CHST8: variants seen among roughly 807,000 people sequenced by gnomAD.
CHST8 encodes carbohydrate sulfotransferase 8.
In CHST8, 10 loss-of-function variants were observed where a neutral mutation model predicts 15.0. The observed-to-expected ratio is 0.67, with a 90% CI of 0.41 to 1.13. The LOEUF is 1.13. Among genes scored for constraint, CHST8 ranks in the 50% most tolerant of loss-of-function variants. The pLI is 0.00. For missense variants in CHST8, 634 were observed against 608.2 expected (o/e 1.04, Z -0.45); for synonymous variants, 259 against 256.6 (o/e 1.01, Z -0.09).
At chr19:33,763,829 C>T (rs1181061792) in intron 3 of CHST8, among the ~76,000 whole-genome samples, 1 of 152,250 alleles carries the variant, frequency 6.6e-6, no homozygotes, top group African/African-American at 2.4e-5. Context: ...TCCCTCAGCC[C>T]TGGGGCAGTG....
Position 33,652,512 on chromosome 19 carries a change from A to T in CHST8, c.-163-15255A>T, listed in dbSNP as rs1458771345. 2.0e-5 allele frequency among the ~76,000 whole-genome samples: 3 copies of T among 150,796 alleles called. No individual in the cohort carries two copies. The Admixed American group carries it at 2.0e-4, about 10-fold the overall frequency. ...TGCTTCAGCTTCCTGAGTAGCTGGG[A>T]CTACAGGCGCCCAGCAACACGCCCG... On this transcript the variant is annotated intron_variant, in intron 1 of 4. Coordinates refer to ENST00000650847, the MANE Select transcript of CHST8 (RefSeq NM_001127895.2).
At chr19:33,712,573 C>T (rs574919377) in intron 3 of CHST8, among the ~76,000 whole-genome samples, 8 of 152,144 alleles carry the variant, frequency 5.3e-5, no homozygotes, top group Admixed American at 2.0e-4. Context: ...CTTATCCAAG[C>T]GAACAGTGGG....
chr19:33,731,682 A>C (rs1208299324), intron 3 of CHST8, among the ~76,000 whole-genome samples: 1 of 152,218 alleles, frequency 6.6e-6, no homozygotes, highest in East Asian at 1.9e-4. Context: ...TATCTATACA[A>C]GATGGAGTCA....
At chr19:33,636,391 G>T (rs1405681249) in intron 1 of CHST8, among the ~76,000 whole-genome samples, 1 of 152,142 alleles carries the variant, frequency 6.6e-6, no homozygotes, top group Non-Finnish European at 1.5e-5. Flanking sequence ...TAAACAACCT[G>T]GCGGCTTCAG....
chr19:33,718,313 G>C (rs932997449), intron 3 of CHST8, among the ~76,000 whole-genome samples: 1 of 151,458 alleles, frequency 6.6e-6, no homozygotes, highest in Admixed American at 6.6e-5. Context: ...TGAACTCCTG[G>C]ACTCAAGTGA....
intron 3 of CHST8, among the ~76,000 whole-genome samples, chr19:33,718,105 C>G (rs1023591494): frequency 6.6e-6 from 1 of 152,230 alleles, no homozygotes; most frequent in Non-Finnish European, 1.5e-5. Flanking sequence ...CCTGCTCCTC[C>G]TCCCAGCTTG....
At chr19:33,665,868 C>G (rs981752448) in intron 1 of CHST8, among the ~76,000 whole-genome samples, 1 of 152,298 alleles carries the variant, frequency 6.6e-6, no homozygotes, top group Middle Eastern at 3.4e-3. Context: ...AGTGGCCCAC[C>G]CAGCTCTGGG....
At chr19:33,701,002 C>T (rs1267700996) in intron 3 of CHST8, among the ~76,000 whole-genome samples, 2 of 152,230 alleles carry the variant, frequency 1.3e-5, no homozygotes, top group East Asian at 3.9e-4. Flanking sequence ...ATACCCCGAG[C>T]CTAGTGGGTT....
At chr19:33,724,189 G>A (rs545924049) in intron 3 of CHST8, among the ~76,000 whole-genome samples, 97 of 152,234 alleles carry the variant, frequency 6.4e-4, no homozygotes, top group African/African-American at 2.1e-3. Context: ...GATGAGCCTA[G>A]CCTCCTGACC....
At chr19:33,762,594 G>A (rs1371624845) in intron 3 of CHST8, among the ~76,000 whole-genome samples, 1 of 152,246 alleles carries the variant, frequency 6.6e-6, no homozygotes, top group African/African-American at 2.4e-5. Flanking sequence ...CTGCGCTGGG[G>A]GCAGGAGCTG....
intron 3 of CHST8, among the ~76,000 whole-genome samples, chr19:33,768,267 TC>T (rs924339765): frequency 7.2e-5 from 11 of 152,114 alleles, no homozygotes; most frequent in African/African-American, 2.7e-4. Context: ...TCATTACGTT[TC>T]TTCTTTATTC....
At chr19:33,691,123 G>A (rs2145260386) in intron 3 of CHST8, among the ~76,000 whole-genome samples, 1 of 152,368 alleles carries the variant, frequency 6.6e-6, no homozygotes, top group Non-Finnish European at 1.5e-5. Context: ...GCCGCAGCAA[G>A]AGTGCTCACT....
chr19:33,640,177 A>C (rs1222443376), intron 1 of CHST8, among the ~76,000 whole-genome samples: 1 of 152,194 alleles, frequency 6.6e-6, no homozygotes, highest in Non-Finnish European at 1.5e-5. Context: ...TATGACCCTA[A>C]TGTCAGAAAT....
intron 2 of CHST8, among the ~76,000 whole-genome samples, chr19:33,680,292 T>G (rs1972868742): frequency 6.6e-6 from 1 of 152,226 alleles, no homozygotes; most frequent in African/African-American, 2.4e-5. Context: ...TTTCTTTTCT[T>G]TCCCTCACAA....
intron 2 of CHST8, among the ~76,000 whole-genome samples, chr19:33,669,933 A>G (rs1568321333): frequency 1.3e-5 from 2 of 152,230 alleles, no homozygotes; most frequent in South Asian, 2.1e-4. Context: ...ACTGGAGTCA[A>G]ATTTCTTCTA....
chr19:33,698,906 C>G (rs1212417227), intron 3 of CHST8, among the ~76,000 whole-genome samples: 1 of 152,190 alleles, frequency 6.6e-6, no homozygotes, highest in Non-Finnish European at 1.5e-5. Context: ...CTCATACACC[C>G]CAGGCCTGGA....
At chr19:33,674,788 G>A (rs1008854328) in intron 2 of CHST8, among the ~76,000 whole-genome samples, 2 of 152,180 alleles carry the variant, frequency 1.3e-5, no homozygotes, top group African/African-American at 4.8e-5. Context: ...CCTCTGCCAG[G>A]AAGCAGACCT....
intron 1 of CHST8, among the ~76,000 whole-genome samples, chr19:33,656,612 T>C (rs749398125): frequency 6.6e-6 from 1 of 152,158 alleles, no homozygotes; most frequent in Non-Finnish European, 1.5e-5. Context: ...TATGGCTCAC[T>C]GCAGCCTTGA....
At chr19:33,740,970 T>C (rs771165324) in intron 3 of CHST8, among the ~76,000 whole-genome samples, 25 of 152,182 alleles carry the variant, frequency 1.6e-4, no homozygotes, top group Non-Finnish European at 3.4e-4. Context: ...AGCTAAACCC[T>C]TAGAGCGGGG....
Sources: gnomAD v4.1 joint callset for allele counts (sites outside exome capture counted in the v4.1 genomes callset) on GRCh38, gnomAD v4.1.1 for gene constraint, MANE v1.5 for transcripts, NCBI Gene and HGNC (gene_info 2026-07-23, HGNC 2026-07-21) for gene names.